The following WDFY2 variants were observed in gnomAD, a reference collection of about 807,000 sequenced individuals.
The protein encoded by WDFY2 is WD repeat and FYVE domain containing 2.
Under a neutral mutation model 56.4 loss-of-function variants are expected in WDFY2, and 36 were observed. The observed-to-expected ratio is 0.64, with a 90% confidence interval of 0.49 to 0.84. WDFY2 has a LOEUF of 0.84. Ranked by LOEUF, WDFY2 falls within the 40% of genes least tolerant of loss-of-function variation. The pLI is 0.00. For synonymous variants in WDFY2, 176 were observed against 183.7 expected (o/e 0.96, Z 0.34); for missense variants, 444 against 512.2 (o/e 0.87, Z 1.29).
chr13:51,708,435 C>T (rs1276826105), intron 4 of WDFY2, among the ~76,000 whole-genome samples: 1 of 151,784 alleles, frequency 6.6e-6, no homozygotes, highest in Non-Finnish European at 1.5e-5. Context: ...GCTGTGCCTG[C>T]ACCATTGTAC....
At chr13:51,678,431 A>T (rs754072635) in intron 3 of WDFY2, among the ~76,000 whole-genome samples, 2 of 152,214 alleles carry the variant, frequency 1.3e-5, no homozygotes, top group South Asian at 4.1e-4. Context: ...AAATTCTGAG[A>T]TAGTTTATTT....
rs765409045 is a variant in WDFY2 at position 51,751,270 on chromosome 13, G to T, written c.726-40G>T. 1.9e-6 allele frequency: 3 copies of T among 1,595,748 alleles called. No homozygotes were observed. In the African/African-American group the frequency reaches 4.1e-5, roughly 22 times the overall value. ...GTTTCTGCTGCGAGGCCTTGCATTT[G>T]TTCTCCTAAACTGTCAATAACCCTT... On this transcript the variant is annotated intron_variant, in intron 7 of 11. Coordinates refer to ENST00000298125, the MANE Select transcript of WDFY2 (RefSeq NM_052950.4).
At position 51,602,319 on chromosome 13, in the gene WDFY2, T is replaced by A. The variant is rs141269507; in HGVS notation, c.137+17495T>A. ...AATCCATTCAGATACATAAATACTT[T>A]CCATTGTGTTACAGTTGCCTATAGC... On this transcript the variant is annotated intron_variant, in intron 1 of 11. Transcript: ENST00000298125. Among the ~76,000 whole-genome samples the A allele has an allele frequency of 3.3e-5, 5 of 152,344 alleles. No homozygotes were observed. The East Asian group carries it at 9.6e-4, about 29-fold the overall frequency.
At chr13:51,718,559 TACAC>T (rs71192015) in intron 4 of WDFY2, among the ~76,000 whole-genome samples, 16,201 of 138,578 alleles carry the variant, frequency 0.12, 883 homozygotes, top group Middle Eastern at 0.18. Context: ...TTATCATTCA[TACAC>T]ACACACACAC....
At chr13:51,666,390 C>T (rs542510454) in intron 2 of WDFY2, among the ~76,000 whole-genome samples, 2 of 152,262 alleles carry the variant, frequency 1.3e-5, no homozygotes, top group South Asian at 4.1e-4. Context: ...GACACGAGGG[C>T]CAGGAACTCT....
rs369342196 is a variant in WDFY2 at position 51,758,219 on chromosome 13, C to T, written c.1092C>T (p.Asp364=). The change falls in exon 11 of 12, where the codon GAC becomes GAT. Residue 364 remains aspartate, a synonymous_variant. Coordinates refer to ENST00000298125, the MANE Select transcript of WDFY2 (RefSeq NM_052950.4). ...GTGCACCCACAGCCACCTTCCATGACAGTAAACATAACATTGTGCATGTGC... is the reference window on the plus strand; with the variant it reads ...GTGCACCCACAGCCACCTTCCATGATAGTAAACATAACATTGTGCATGTGC... The part of the protein sequence containing the change: ...EERAPTATFH[D]SKHNIVHVHF... The T allele has an allele frequency of 1.3e-5, 21 of 1,590,616 alleles. No homozygotes were observed. Among genetic ancestry groups the T allele is most frequent in the Non-Finnish European group, 2.6e-6 (3 of 1,162,580 alleles).
intron 11 of WDFY2, among the ~76,000 whole-genome samples, chr13:51,758,552 T>TAAAAAAAA (rs35383381): frequency 7.8e-6 from 1 of 127,722 alleles, no homozygotes; most frequent in African/African-American, 2.9e-5. Flanking sequence ...CCTCATCTCT[T>TAAAAAAAA]AAAAAAAAAA....
At chr13:51,690,274 C>T (rs1956129573) in intron 3 of WDFY2, among the ~76,000 whole-genome samples, 1 of 150,942 alleles carries the variant, frequency 6.6e-6, no homozygotes, top group African/African-American at 2.4e-5. Context: ...ATACATGTGC[C>T]ATGCTGGTGC....
At chr13:51,693,398 G>A (rs1389360297) in intron 3 of WDFY2, among the ~76,000 whole-genome samples, 3 of 151,476 alleles carry the variant, frequency 2.0e-5, no homozygotes, top group Non-Finnish European at 4.4e-5. Context: ...GTTCTCATTG[G>A]TTTCAAAGAA....
chr13:51,736,453 C>G (rs989116302), intron 6 of WDFY2, among the ~76,000 whole-genome samples: 1 of 152,140 alleles, frequency 6.6e-6, no homozygotes, highest in African/African-American at 2.4e-5. Flanking sequence ...TAGTCACCAA[C>G]AAAGAAGGCA....
chr13:51,720,628 A>G (rs758423227), intron 5 of WDFY2, among the ~76,000 whole-genome samples: 1 of 152,226 alleles, frequency 6.6e-6, no homozygotes, highest in Non-Finnish European at 1.5e-5. Context: ...GTCTTTATCC[A>G]TTCGGGCTGC....
At chr13:51,604,384 A>G (rs1954345945) in intron 1 of WDFY2, among the ~76,000 whole-genome samples, 2 of 152,174 alleles carry the variant, frequency 1.3e-5, no homozygotes, top group South Asian at 4.1e-4. Flanking sequence ...AGAAGAGGCC[A>G]TTTTCATGGG....
chr13:51,595,888 T>C (rs1954135019), intron 1 of WDFY2, among the ~76,000 whole-genome samples: 1 of 152,212 alleles, frequency 6.6e-6, no homozygotes. Flanking sequence ...ATTCCCTCTC[T>C]GGAGGCATTT....
Position 51,725,751 on chromosome 13 carries a change from C to T in WDFY2, c.486-1927C>T, listed in dbSNP as rs190610615. 2.2e-4 allele frequency among the ~76,000 whole-genome samples: 33 copies of T among 150,548 alleles called. 1 individual carries two copies. Among genetic ancestry groups the T allele is most frequent in the Admixed American group, 1.6e-3 (24 of 15,102 alleles). ...CTGTGTCACCCAGGCTGGAGTGCAG[C>T]GGCTTGAACATGGCTCACTGCAGCT... On this transcript the variant is annotated intron_variant, in intron 5 of 11. Transcript: ENST00000298125.
At position 51,644,476 on chromosome 13, in the gene WDFY2, C is replaced by G. The variant is rs545336283; in HGVS notation, c.138-16120C>G. On this transcript the variant is annotated intron_variant, in intron 1 of 11. Transcript: ENST00000298125. The stretch of plus-strand genomic sequence containing the variant: ...TCACTTGACTGTAATTTTAAAAATT[C>G]TAAATTGTGAAGGCTTTCACAGCCT... Among the ~76,000 whole-genome samples the G allele has an allele frequency of 1.1e-4, 16 of 152,194 alleles. No homozygotes were observed. In the South Asian group the frequency reaches 3.1e-3, roughly 30 times the overall value.
intron 3 of WDFY2, among the ~76,000 whole-genome samples, chr13:51,679,728 A>C (rs1446957152): frequency 6.6e-6 from 1 of 152,050 alleles, no homozygotes; most frequent in Non-Finnish European, 1.5e-5. Flanking sequence ...TGGAGCCTGG[A>C]AGTCTGAAAT....
At chr13:51,653,344 G>A (rs1955441110) in intron 1 of WDFY2, among the ~76,000 whole-genome samples, 1 of 152,128 alleles carries the variant, frequency 6.6e-6, no homozygotes, top group South Asian at 2.1e-4. Flanking sequence ...TTTGCCATGG[G>A]TTCGAACTTC....
intron 5 of WDFY2, among the ~76,000 whole-genome samples, chr13:51,721,548 A>G (rs543856166): frequency 2.0e-5 from 3 of 152,024 alleles, no homozygotes; most frequent in African/African-American, 7.2e-5. Context: ...TTTTGTGACT[A>G]TTCCCTTTTG....
At position 51,761,907 on chromosome 13, in the gene WDFY2, C is replaced by G. The variant is rs1261425595; in HGVS notation, c.*2138C>G. 6.6e-6 allele frequency: 1 copy of G among 152,270 alleles called. No homozygotes were observed. Among genetic ancestry groups the G allele is most frequent in the Non-Finnish European group, 1.5e-5 (1 of 68,066 alleles). 9.4% of individuals were successfully genotyped at this position (152,270 alleles called of 1,614,324 possible). Reference sequence around the variant, plus strand: ...CGCACAGGCTGTTAGCACTTGTCGCCTCGCTGCCCTGGTCCAGACTACCCT... The same window carrying G: ...CGCACAGGCTGTTAGCACTTGTCGCGTCGCTGCCCTGGTCCAGACTACCCT... On this transcript the variant is annotated 3_prime_UTR_variant, in exon 12 of 12. Transcript: ENST00000298125.
Sources: allele counts gnomAD v4.1 joint callset (sites outside exome capture counted in the v4.1 genomes callset), GRCh38; gene constraint gnomAD v4.1.1; transcripts MANE v1.5; gene names NCBI Gene and HGNC (gene_info 2026-07-23, HGNC 2026-07-21).